The following RPS13 variants were observed in gnomAD, a reference collection of about 807,000 sequenced individuals.
The protein encoded by RPS13 is small ribosomal subunit protein uS15.
A neutral mutation model predicts 24.6 loss-of-function variants in RPS13; 1 was observed. The ratio of observed to expected loss-of-function variants is 0.04; its 90% CI spans 0.01 to 0.19. RPS13 has a LOEUF of 0.19. Ranked by LOEUF, RPS13 falls within the 10% of genes least tolerant of loss-of-function variation. The pLI is 1.00. For synonymous variants in RPS13, 69 were observed against 65.3 expected, an observed-to-expected ratio of 1.06 and a Z score of -0.27; for missense variants, 88 against 187.4, an observed-to-expected ratio of 0.47 and a Z score of 3.10.
chr11:17,074,885 T>C (rs576065530), intron 5 of RPS13: 1 of 604,314 alleles, frequency 1.7e-6, no homozygotes, highest in African/African-American at 1.9e-5. Flanking sequence ...CTTGTCTTTA[T>C]TAAAGACAAG....
intron 4 of RPS13, 54 bp downstream of exon 4, chr11:17,075,400 A>G: frequency 1.4e-6 from 2 of 1,401,866 alleles, no homozygotes; most frequent in Non-Finnish European, 1.9e-6. Flanking sequence ...ATTTTACCGA[A>G]AAAATTTAGT....
chr11:17,077,584 C>A (rs749826757), intron 1 of RPS13, 35 bp downstream of exon 1: 8 of 582,474 alleles, frequency 1.4e-5, no homozygotes, highest in Non-Finnish European at 1.9e-5. Context: ...CTCCCACCCC[C>A]CGCCCAGCAA....
chr11:17,074,693 A>C (rs1422618503), intron 5 of RPS13: 1 of 700,116 alleles, frequency 1.4e-6, no homozygotes, highest in East Asian at 2.7e-5. Context: ...AACATAAGGA[A>C]AAACATTTCT....
rs1848010029 is a variant in RPS13 at position 17,075,317 on chromosome 11, G to A, written c.322-120C>T. 1.7e-5 allele frequency: 17 copies of A among 985,062 alleles called. No individual in the cohort carries two copies. In the South Asian group the frequency reaches 2.8e-4, roughly 16 times the overall value. The allele number at this position is 985,062 out of a possible 1,614,324, so 61.0% of individuals were successfully genotyped here. A position where few individuals can be genotyped will look rare whatever the true frequency, so the allele number is the denominator to read the frequency against. ...TCTATAATGAAAATCTCTTTGGATA[G>A]AATTTGAACTTCAAAGCAGCACTAC... On this transcript the variant is annotated intron_variant, in intron 4 of 5. Coordinates refer to ENST00000525634, the MANE Select transcript of RPS13 (RefSeq NM_001017.3).
rs1335682442 is a variant in RPS13 at position 17,077,201 on chromosome 11, G to A, written c.118C>T (p.Leu40=). The A allele has an allele frequency of 6.2e-7, 1 of 1,613,836 alleles. No homozygotes were observed. The highest frequency in any genetic ancestry group is 8.5e-7 in the Non-Finnish European group (1 of 1,179,902). ...SDDVKEQIYK[L]AKKGLTPSQI... ...GAAGGAGTAAGGCCCTTCTTGGCCAGTTTGTAAATCTGCTCCTTCACGTCG... is the reference window on the plus strand; with the variant it reads ...GAAGGAGTAAGGCCCTTCTTGGCCAATTTGTAAATCTGCTCCTTCACGTCG... Residue 40 remains leucine (L), a synonymous_variant, in exon 3 of 6, where the codon CTG becomes TTG. Transcript: ENST00000525634.
intron 1 of RPS13, 30 bp from the exon 2 acceptor site, chr11:17,077,507 TG>T: frequency 6.2e-7 from 1 of 1,613,556 alleles, no homozygotes; most frequent in Middle Eastern, 1.7e-4. Context: ...CGAGGTGAGG[TG>T]GCGGCTAGTG....
chr11:17,077,662 G>C lies in RPS13; in HGVS notation c.-21C>G. ...CCCATGATGGCGGCGATCAGGCAAC[G>C]AAAGGAGAGCGAGAGTGGAAACGCC... On this transcript the variant is annotated 5_prime_UTR_variant, in exon 1 of 6. Coordinates refer to ENST00000525634, the MANE Select transcript of RPS13 (RefSeq NM_001017.3). 1 of 1,613,178 alleles carries C rather than the reference G, an allele frequency of 6.2e-7. No individual in the cohort carries two copies. Among genetic ancestry groups the C allele is most frequent in the Non-Finnish European group, 8.5e-7 (1 of 1,179,900 alleles).
Position 17,075,149 on chromosome 11 carries a change from G to C in RPS13, c.370C>G (p.Arg124Gly). The C allele has an allele frequency of 6.2e-7, 1 of 1,611,618 alleles. No individual in the cohort carries two copies. The highest frequency in any genetic ancestry group is 8.5e-7 in the Non-Finnish European group (1 of 1,179,350). The change falls in exon 5 of 6, where the codon CGT becomes GGT. Residue 124 changes from arginine to glycine, a missense_variant. Coordinates refer to ENST00000525634, the MANE Select transcript of RPS13 (RefSeq NM_001017.3). Reference sequence around the variant, plus strand: ...TTGGTCTTATAATATCGAGCCAAACGGTGAATCCGGCTCTCTATTAGAATC... The same window carrying C: ...TTGGTCTTATAATATCGAGCCAAACCGTGAATCCGGCTCTCTATTAGAATC... ...RLILIESRIH[R>G]LARYYKTKRV...
chr11:17,077,274 G>GA lies in RPS13; in HGVS notation c.73-29dup, dbSNP rs1480066643. On this transcript the variant is annotated intron_variant, in intron 2 of 5. Coordinates refer to ENST00000525634, the MANE Select transcript of RPS13 (RefSeq NM_001017.3). ...GTTATGGAATAGAAAGCAGCCTTAG[G>GA]ATGAGAACCCAGGAATGGCGCCGCA... 3.7e-6 allele frequency: 6 copies of GA among 1,603,294 alleles called. No individual in the cohort carries two copies. The African/African-American group carries it at 6.7e-5, about 18-fold the overall frequency.
In RPS13 at chr11:17,077,230, G is replaced by A. The variant is rs138459373; in HGVS notation, c.89C>T (p.Ser30Phe). The change falls in exon 3 of 6, where the codon TCT (serine) becomes TTT (phenylalanine). Residue 30 changes from serine to phenylalanine, a missense_variant. By Grantham distance (155) the Ser-to-Phe change is radical (BLOSUM62 -2). Coordinates refer to ENST00000525634, the MANE Select transcript of RPS13 (RefSeq NM_001017.3). ...GTAAATCTGCTCCTTCACGTCGTCAGATGTCAACTTCAACCACTGTTATGG... is the reference window on the plus strand; with the variant it reads ...GTAAATCTGCTCCTTCACGTCGTCAAATGTCAACTTCAACCACTGTTATGG... ...RSVPTWLKLT[S>F]DDVKEQIYKL... The A allele has an allele frequency of 6.2e-7, 1 of 1,613,738 alleles. No individual in the cohort carries two copies. The highest frequency in any genetic ancestry group is 1.3e-5 in the African/African-American group (1 of 74,878).
At chr11:17,076,156 G>A (rs1180818984) in intron 3 of RPS13, 1 of 225,344 alleles carries the variant, frequency 4.4e-6, no homozygotes, top group Non-Finnish European at 9.1e-6. Flanking sequence ...GGGAGGCCGA[G>A]GCAGTGGATC....
intron 3 of RPS13, 110 bp downstream of exon 3, chr11:17,077,058 G>A (rs769346659): frequency 6.4e-6 from 5 of 777,600 alleles, no homozygotes; most frequent in Non-Finnish European, 6.8e-6. Context: ...CCTCTAGCAC[G>A]GTGGCGAGAC....
At chr11:17,076,471 G>A (rs1327836962) in intron 3 of RPS13, 2 of 344,784 alleles carry the variant, frequency 5.8e-6, no homozygotes, top group East Asian at 1.0e-4. Flanking sequence ...CAGGAGAATC[G>A]CTTGAATCCA....
At chr11:17,075,231 C>T in intron 4 of RPS13, 34 bp from the exon 5 acceptor site, 1 of 1,452,038 alleles carries the variant, frequency 6.9e-7, no homozygotes, top group South Asian at 1.2e-5. Context: ...TCAAGAAAAC[C>T]ACCCAAAATG....
intron 2 of RPS13, 40 bp downstream of exon 2, chr11:17,077,389 C>A: frequency 1.3e-6 from 2 of 1,598,038 alleles, no homozygotes; most frequent in South Asian, 1.1e-5. Flanking sequence ...AAATGCCAAC[C>A]CCCTCCCCGG....
In RPS13 at chr11:17,075,466, C is replaced by T. The variant is rs375823183; in HGVS notation, c.309G>A (p.Glu103=). 7.9e-5 allele frequency: 124 copies of T among 1,576,176 alleles called. No individual in the cohort carries two copies. Among genetic ancestry groups the T allele is most frequent in the Non-Finnish European group, 9.9e-5 (115 of 1,166,094 alleles). The change falls in exon 4 of 6, where the codon GAG becomes GAA. Residue 103 remains glutamate (E), a synonymous_variant. Coordinates refer to ENST00000525634, the MANE Select transcript of RPS13 (RefSeq NM_001017.3). ...TTTATTAGCTTACCTTTCTGTTCCT[C>T]TCAAGATGCTTTCGAACAGCAACTG... ...KKAVAVRKHL[E]RNRKDKDAKF...
chr11:17,076,464 G>A (rs549534184), intron 3 of RPS13: 599 of 338,588 alleles, frequency 1.8e-3, no homozygotes, highest in Non-Finnish European at 2.9e-3. Context: ...GCTGAGGCAG[G>A]AGAATCGCTT....
chr11:17,074,952 G>C (rs1278184565), intron 5 of RPS13, 145 bp downstream of exon 5: 5 of 631,438 alleles, frequency 7.9e-6, no homozygotes, highest in African/African-American at 3.7e-5. Flanking sequence ...TACCAGGCCA[G>C]AGCTCAAAGA....
At chr11:17,074,603 T>A (rs7125607) in intron 5 of RPS13, 137 bp from the exon 6 acceptor site, 422,146 of 743,166 alleles carry the variant, frequency 0.57, 122,402 homozygotes, top group East Asian at 0.82. Flanking sequence ...GCACCAAACT[T>A]CTGAATACCT....
Sources: allele counts gnomAD v4.1 joint callset, GRCh38; gene constraint gnomAD v4.1.1; transcripts MANE v1.5; gene names NCBI Gene and HGNC (gene_info 2026-07-23, HGNC 2026-07-21).